Variants in CBARP observed in about 807,000 individuals in gnomAD.
The protein encoded by CBARP is CACN subunit beta associated regulatory protein.
CBARP carries 24 observed loss-of-function variants against 36.3 expected under a neutral mutation model. The ratio of observed to expected loss-of-function variants is 0.66; its 90% CI spans 0.48 to 0.93. The LOEUF (loss-of-function observed/expected upper bound fraction) is 0.93, where lower values mean the gene tolerates loss of function less well. Ranked by LOEUF, CBARP falls within the 40% of genes least tolerant of loss-of-function variation. The pLI is 0.00. For synonymous variants in CBARP, 586 were observed against 453.2 expected (o/e 1.29, Z -3.72); for missense variants, 1,146 against 980.4 (o/e 1.17, Z -2.26).
rs773074379 is a variant in CBARP at position 1,234,554 on chromosome 19, G to A, written c.627+17C>T. On this transcript the variant is annotated intron_variant, in intron 6 of 9. Transcript: ENST00000650044. ...TCCCGTCCCCCGAGGAACCGGGGCTGCTGCCCATAGGCTCACCTGGAAGAT... is the reference window on the plus strand; with the variant it reads ...TCCCGTCCCCCGAGGAACCGGGGCTACTGCCCATAGGCTCACCTGGAAGAT... 5 of 1,588,650 alleles carry A rather than the reference G, an allele frequency of 3.1e-6. No individual in the cohort carries two copies. Among genetic ancestry groups the A allele is most frequent in the African/African-American group, 2.7e-5 (2 of 74,706 alleles).
chr19:1,231,833 AGAGCCT>A (rs2080898589), intron 8 of CBARP, among the ~76,000 whole-genome samples: 1 of 151,950 alleles, frequency 6.6e-6, no homozygotes. Context: ...CTGGGACCAG[AGAGCCT>A]GAGCAGGGCA....
Position 1,233,447 on chromosome 19 carries a change from C to G in CBARP, c.958G>C (p.Ala320Pro), listed in dbSNP as rs753230671. 1 of 1,594,836 alleles carries G rather than the reference C, an allele frequency of 6.3e-7. No individual in the cohort carries two copies. The change falls in exon 8 of 10, where the codon GCA becomes CCA. Residue 320 changes from alanine to proline, a missense_variant. By Grantham distance (27) the Ala-to-Pro change is conservative (BLOSUM62 -1). Transcript: ENST00000650044. ...KKWKLEPSQRAASLDTRGSPK... is the reference protein window; with the variant it reads ...KKWKLEPSQRPASLDTRGSPK... ...TCACCTCTCGTGTCCAGACTGGCTG[C>G]CCGCTGGCTGGGCTCCAGCTTCCAC... is the stretch of plus-strand genomic sequence containing the variant.
rs1050443613 is a variant in CBARP, at chr19:1,230,760, G to C, written c.1154+341C>G. The C allele has an allele frequency of 1.1e-5, 15 of 1,358,108 alleles. 1 individual carries two copies. The highest frequency in any genetic ancestry group is 1.5e-5 in the African/African-American group (1 of 66,334). 84.1% of individuals were successfully genotyped at this position (1,358,108 alleles called of 1,614,324 possible). A position where few individuals can be genotyped will look rare whatever the true frequency, so the allele number is the denominator to read the frequency against. On this transcript the variant is annotated intron_variant, in intron 9 of 9. Coordinates refer to ENST00000650044, the MANE Select transcript of CBARP (RefSeq NM_001393918.1). Reference sequence around the variant, plus strand: ...CTGAGAGGAGTCTGCCCAGCCTTGGGAGCATGGGCGGGGCGGGGGTGGGAG... The same window carrying C: ...CTGAGAGGAGTCTGCCCAGCCTTGGCAGCATGGGCGGGGCGGGGGTGGGAG...
rs1405765265 is a variant in CBARP, at chr19:1,237,953, C to G, written c.-219G>C. 1 of 146,694 alleles carries G rather than the reference C, an allele frequency of 6.8e-6. No homozygotes were observed. The highest frequency in any genetic ancestry group is 2.1e-4 in the South Asian group (1 of 4,822). The allele number at this position is 146,694 out of a possible 1,614,324, so 9.1% of individuals were successfully genotyped here. On this transcript the variant is annotated 5_prime_UTR_variant, in exon 1 of 10. Coordinates refer to ENST00000650044, the MANE Select transcript of CBARP (RefSeq NM_001393918.1). ...TGGCGGCGCGCCCGCTCCGCGCGCC[C>G]GGTGCTGCCCGGTCCCCGGCCCGCC...
intron 7 of CBARP, 24 bp from the exon 8 acceptor site, chr19:1,233,660 T>C (rs777120871): frequency 4.0e-5 from 64 of 1,593,920 alleles, no homozygotes; most frequent in Non-Finnish European, 5.3e-5. Flanking sequence ...GAGATGGCGC[T>C]CAGGCTAAGA....
At chr19:1,230,523 C>A (rs937928882) in intron 9 of CBARP, 92 of 1,032,680 alleles carry the variant, frequency 8.9e-5, no homozygotes, top group Non-Finnish European at 9.8e-5. Flanking sequence ...CTGCTCCAGG[C>A]TAGGGCTCTC....
In CBARP at chr19:1,236,087, G is replaced by A. The variant is rs1476887477; in HGVS notation, c.14C>T (p.Ala5Val). 1.3e-6 allele frequency: 2 copies of A among 1,481,984 alleles called. No homozygotes were observed. The highest frequency in any genetic ancestry group is 1.4e-5 in the African/African-American group (1 of 70,918). The allele number at this position is 1,481,984 out of a possible 1,614,324, so 91.8% of individuals were successfully genotyped here. ...GGTGGTGGCGGCTGTGGCCATGGTG[G>A]CTGTGGGCTGCATTCTGAACTGGGG... is the stretch of plus-strand genomic sequence containing the variant. MQPT[A>V]TMATAATTTT... Residue 5 changes from alanine (A) to valine (V), a missense_variant, in exon 2 of 10, where the codon GCC (alanine) becomes GTC (valine). Ala to Val is a moderately conservative substitution (Grantham distance 64, BLOSUM62 0). Coordinates refer to ENST00000650044, the MANE Select transcript of CBARP (RefSeq NM_001393918.1).
rs1195252625 is a variant in CBARP at position 1,229,998 on chromosome 19, G to A, written c.1299C>T (p.Ser433=). ...CGCGCAGGCTCCACAGGTCGCGGTA[G>A]CTGGTCTGGGCCTGCTCGGGGCCCG... ...RDAGPEQAQT[S]YRDLWSLRAS... The change falls in exon 10 of 10, where the codon AGC becomes AGT. Residue 433 remains serine, a synonymous_variant. Transcript: ENST00000650044. This position sits in a 1 kb window ranked among gnomAD's most constrained non-coding sequence, Gnocchi z 5.1. 3 of 1,232,326 alleles carry A rather than the reference G, an allele frequency of 2.4e-6. No homozygotes were observed. Among genetic ancestry groups the A allele is most frequent in the Non-Finnish European group, 3.1e-6 (3 of 965,034 alleles). 76.3% of individuals were successfully genotyped at this position (1,232,326 alleles called of 1,614,324 possible).
In CBARP at chr19:1,229,204, G is replaced by A. The variant is rs2080856924; in HGVS notation, c.2093C>T (p.Thr698Met). Residue 698 changes from threonine (T) to methionine (M), a missense_variant, in exon 10 of 10, where the codon ACG (threonine) becomes ATG (methionine). Coordinates refer to ENST00000650044, the MANE Select transcript of CBARP (RefSeq NM_001393918.1). This position sits in a 1 kb window ranked among gnomAD's most constrained non-coding sequence, Gnocchi z 5.1. ...TTAGGCCGGGCTGTGGTCGGGGGAC[G>A]TGGGGGCGGCGGCGACCAACGCGGG... ...ATPALVAAAP[T>M]SPDHSPA The A allele has an allele frequency of 3.3e-6, 4 of 1,199,166 alleles. No homozygotes were observed. Among genetic ancestry groups the A allele is most frequent in the East Asian group, 9.1e-5 (1 of 11,038 alleles). The allele number at this position is 1,199,166 out of a possible 1,614,324, so 74.3% of individuals were successfully genotyped here.
chr19:1,233,327 C>A lies in CBARP; in HGVS notation c.979+99G>T. On this transcript the variant is annotated intron_variant, in intron 8 of 9. Transcript: ENST00000650044. ...TCAGCCCCAGAGCACCGGCTCCCCA[C>A]CCAGCCCACAACCTCCTGCTCCTGG... 3 of 1,247,574 alleles carry A rather than the reference C, an allele frequency of 2.4e-6. 1 individual carries two copies. The South Asian group carries it at 4.6e-5, about 19-fold the overall frequency. The allele number at this position is 1,247,574 out of a possible 1,614,324, so 77.3% of individuals were successfully genotyped here.
intron 7 of CBARP, 93 bp from the exon 8 acceptor site, chr19:1,233,729 A>T: frequency 8.1e-7 from 1 of 1,231,018 alleles, no homozygotes; most frequent in Non-Finnish European, 1.1e-6. Flanking sequence ...GACAGTCCCA[A>T]GGGCCCCCCA....
chr19:1,236,297 C>G (rs905955935), intron 1 of CBARP, among the ~76,000 whole-genome samples, 176 bp from the exon 2 acceptor site: 37 of 152,206 alleles, frequency 2.4e-4, no homozygotes, highest in African/African-American at 8.7e-4. Context: ...CAGCGGGCCC[C>G]GGGGGCTCTC....
chr19:1,229,383 G>A lies in CBARP; in HGVS notation c.1914C>T (p.Pro638=). The change falls in exon 10 of 10, where the codon CCC becomes CCT. Residue 638 remains proline, a synonymous_variant. Coordinates refer to ENST00000650044, the MANE Select transcript of CBARP (RefSeq NM_001393918.1). The surrounding 1 kb of genome is among the most constrained non-coding windows in gnomAD (Gnocchi z 5.1). ...GCTCCTCCTCGATGACGGGGATGGC[G>A]GGGTCGTCGCCGGCGCCGCCCAGGG... ...GRTLGGAGDD[P]AIPVIEEEPG... is the part of the protein sequence containing the mutation. 4 of 1,139,404 alleles carry A rather than the reference G, an allele frequency of 3.5e-6. No homozygotes were observed. The highest frequency in any genetic ancestry group is 4.4e-6 in the Non-Finnish European group (4 of 912,734). 70.6% of individuals were successfully genotyped at this position (1,139,404 alleles called of 1,614,324 possible).
At chr19:1,233,678 C>G in intron 7 of CBARP, 42 bp from the exon 8 acceptor site, 1 of 1,556,538 alleles carries the variant, frequency 6.4e-7, no homozygotes, top group South Asian at 1.2e-5. Flanking sequence ...AGACTTCTTC[C>G]TGGGCCCGTG....
Position 1,229,443 on chromosome 19 carries a change from G to C in CBARP, c.1854C>G (p.Arg618=). 1.0e-6 allele frequency: 1 copy of C among 987,288 alleles called. No homozygotes were observed. The highest frequency in any genetic ancestry group is 1.2e-6 in the Non-Finnish European group (1 of 832,030). 61.2% of individuals were successfully genotyped at this position (987,288 alleles called of 1,614,324 possible). The change falls in exon 10 of 10, where the codon CGC becomes CGG. Residue 618 remains arginine, a synonymous_variant. Coordinates refer to ENST00000650044, the MANE Select transcript of CBARP (RefSeq NM_001393918.1). This position sits in a 1 kb window ranked among gnomAD's most constrained non-coding sequence, Gnocchi z 5.1. ...CGGGCGGGCCGTCCACGCTGTCGCC[G>C]CGCCGCAAGGGCGCACGCGCGGGTC... The part of the protein sequence containing the change: ...AARPARAPLR[R]GDSVDGPPDG...
Position 1,229,459 on chromosome 19 carries a change from C to A in CBARP, c.1838G>T (p.Arg613Leu), listed in dbSNP as rs956476317. ...GCTGTCGCCGCGCCGCAAGGGCGCA[C>A]GCGCGGGTCGGGCCGCGCCGGCAGG... The part of the protein sequence containing the change: ...APPAGAARPA[R>L]APLRRGDSVD... Residue 613 changes from arginine (R) to leucine (L), a missense_variant, in exon 10 of 10, where the codon CGT becomes CTT. Coordinates refer to ENST00000650044, the MANE Select transcript of CBARP (RefSeq NM_001393918.1). The surrounding 1 kb of genome is among the most constrained non-coding windows in gnomAD (Gnocchi z 5.1). The A allele has an allele frequency of 1.0e-6, 1 of 978,910 alleles. No individual in the cohort carries two copies. Among genetic ancestry groups the A allele is most frequent in the Non-Finnish European group, 1.2e-6 (1 of 827,612 alleles). 60.6% of individuals were successfully genotyped at this position (978,910 alleles called of 1,614,324 possible). A position where few individuals can be genotyped will look rare whatever the true frequency, so the allele number is the denominator to read the frequency against.
chr19:1,229,593 T>A lies in CBARP; in HGVS notation c.1704A>T (p.Arg568=), dbSNP rs776355367. 2.8e-5 allele frequency: 33 copies of A among 1,190,350 alleles called. 1 individual carries two copies. The South Asian group carries it at 4.7e-4, about 17-fold the overall frequency. 73.7% of individuals were successfully genotyped at this position (1,190,350 alleles called of 1,614,324 possible). A position where few individuals can be genotyped will look rare whatever the true frequency, so the allele number is the denominator to read the frequency against. The change falls in exon 10 of 10, where the codon CGA becomes CGT. Residue 568 remains arginine, a synonymous_variant. Transcript: ENST00000650044. The surrounding 1 kb of genome is among the most constrained non-coding windows in gnomAD (Gnocchi z 5.1). ...PHFDDTPAAA[R]HRARAHPHAR... is the part of the protein sequence containing the mutation. ...CGTGCGGGTGCGCGCGGGCGCGGTG[T>A]CGCGCGGCAGCCGGCGTGTCGTCGA...
chr19:1,232,995 G>C (rs1234844092), intron 8 of CBARP, among the ~76,000 whole-genome samples: 2 of 152,256 alleles, frequency 1.3e-5, no homozygotes, highest in East Asian at 3.9e-4. Flanking sequence ...CAGCGGGCGA[G>C]GGAGGGGCCC....
rs923720051 is a variant in CBARP, at chr19:1,229,263, A to G, written c.2034T>C (p.Phe678=). The G allele has an allele frequency of 4.7e-5, 59 of 1,249,610 alleles. No homozygotes were observed. Among genetic ancestry groups the G allele is most frequent in the Non-Finnish European group, 5.7e-5 (55 of 972,878 alleles). The allele number at this position is 1,249,610 out of a possible 1,614,324, so 77.4% of individuals were successfully genotyped here. A position where few individuals can be genotyped will look rare whatever the true frequency, so the allele number is the denominator to read the frequency against. The part of the protein sequence containing the change: ...KLAAGLDERL[F]PPRLAEPVVA... ...CGACGGGCTCGGCGAGGCGCGGCGG[A>G]AAGAGTCTCTCGTCGAGGCCAGCCG... The change falls in exon 10 of 10, where the codon TTT becomes TTC. Residue 678 remains phenylalanine, a synonymous_variant. Coordinates refer to ENST00000650044, the MANE Select transcript of CBARP (RefSeq NM_001393918.1). The surrounding 1 kb of genome is among the most constrained non-coding windows in gnomAD (Gnocchi z 5.1).
Sources: gnomAD v4.1 joint callset for allele counts (sites outside exome capture counted in the v4.1 genomes callset) on GRCh38, gnomAD v4.1.1 for gene constraint, Gnocchi (gnomAD v3.1) non-coding constraint, MANE v1.5 for transcripts, NCBI Gene and HGNC (gene_info 2026-07-23, HGNC 2026-07-21) for gene names.